The following C5orf58 variants were observed in gnomAD, a reference collection of about 807,000 sequenced individuals.
The protein encoded by C5orf58 is putative uncharacterized protein C5orf58.
Under a neutral mutation model 2.9 loss-of-function variants are expected in C5orf58, and 2 were observed. That is an observed-to-expected ratio of 0.69 (90% CI 0.28 to 2.18). The LOEUF is 2.18. Ranked by LOEUF, C5orf58 falls within the 30% of genes most tolerant of loss-of-function variation. The pLI is 0.13. For synonymous variants in C5orf58, 37 were observed against 33.4 expected (o/e 1.11, Z -0.37); for missense variants, 96 against 91.7 (o/e 1.05, Z -0.19).
downstream of C5orf58, chr5:170,248,924 G>A (rs1761361865): frequency 4.1e-5 from 47 of 1,144,856 alleles, 1 homozygote; most frequent in South Asian, 5.8e-4. Context: ...TTCAAGTGAT[G>A]AGGATTGTGG....
chr5:170,247,498 G>A (rs1435918087), downstream of C5orf58: 1 of 152,156 alleles, frequency 6.6e-6, no homozygotes, highest in African/African-American at 2.4e-5. Context: ...AAAAATTGTT[G>A]CTAATAAAAG....
chr5:170,244,584 T>G (rs1761168588), intron 3 of C5orf58, among the ~76,000 whole-genome samples: 1 of 152,230 alleles, frequency 6.6e-6, no homozygotes, highest in South Asian at 2.1e-4. Context: ...CTCCTGAGAC[T>G]TCTGCATTCT....
In C5orf58 at chr5:170,235,026, T is replaced by G; in HGVS notation, c.50T>G (p.Ile17Ser). 1 of 1,547,516 alleles carries G rather than the reference T, an allele frequency of 6.5e-7. No homozygotes were observed. The highest frequency in any genetic ancestry group is 8.9e-7 in the Non-Finnish European group (1 of 1,129,602). The stretch of plus-strand genomic sequence containing the variant: ...CATAAGCTAAATGTGGACAAAGTAA[T>G]TAAAAATATTAACACAATTTCTTCG... ...TDHKLNVDKV[I>S]KNINTISSEL... The change falls in exon 3 of 4, where the codon ATT becomes AGT. Residue 17 changes from isoleucine (I) to serine (S), a missense_variant. Ile to Ser is a moderately radical substitution (Grantham distance 142). Transcript: ENST00000593851.
chr5:170,250,950 G>T, downstream of C5orf58: 1 of 1,339,884 alleles, frequency 7.5e-7, no homozygotes, highest in Non-Finnish European at 1.1e-6. Flanking sequence ...GCTTGTAAGA[G>T]TAGTAGACAA....
chr5:170,248,931 G>GC, downstream of C5orf58: 1 of 1,069,734 alleles, frequency 9.3e-7, no homozygotes. Context: ...GATGAGGATT[G>GC]TGGGGGGAAA....
At chr5:170,251,464 C>G in intron 2 of C5orf58, 1 of 260,136 alleles carries the variant, frequency 3.8e-6, no homozygotes, top group Non-Finnish European at 8.1e-6. Flanking sequence ...TTGTCCTGTA[C>G]TTTAAATTTC....
chr5:170,243,869 A>C (rs1761132677), intron 3 of C5orf58, among the ~76,000 whole-genome samples: 1 of 144,484 alleles, frequency 6.9e-6, no homozygotes, highest in Non-Finnish European at 1.5e-5. Context: ...GTTTCTTCCT[A>C]GTCTCGATGG....
At chr5:170,250,033 GA>G (rs1761398731), downstream of C5orf58, among the ~76,000 whole-genome samples, 2 of 152,216 alleles carry the variant, frequency 1.3e-5, no homozygotes, top group Admixed American at 1.3e-4. Context: ...TATCATAACA[GA>G]AGTATGTGAA....
intron 3 of C5orf58, among the ~76,000 whole-genome samples, chr5:170,242,255 T>C (rs1303153956): frequency 7.2e-6 from 1 of 139,090 alleles, no homozygotes; most frequent in African/African-American, 2.7e-5. Flanking sequence ...TGGTTGTGTC[T>C]CTGCCAGGCT....
Position 170,235,162 on chromosome 5 carries a change from T to C in C5orf58, c.94+92T>C, listed in dbSNP as rs1760691738. On this transcript the variant is annotated intron_variant, in intron 3 of 3. Coordinates refer to ENST00000593851, the MANE Select transcript of C5orf58 (RefSeq NM_001102609.3). ...GTTTCTGCTGGGGTATAAGTAAATTTTGCCCACTAATTAGGATTTCTCTAT... is the reference window on the plus strand; with the variant it reads ...GTTTCTGCTGGGGTATAAGTAAATTCTGCCCACTAATTAGGATTTCTCTAT... The C allele has an allele frequency of 4.2e-5, 28 of 672,424 alleles. 1 individual carries two copies. In the South Asian group the frequency reaches 5.0e-4, roughly 12 times the overall value. 41.7% of individuals were successfully genotyped at this position (672,424 alleles called of 1,614,324 possible).
At chr5:170,252,371 G>A (rs1761463695), downstream of C5orf58, 1 of 937,374 alleles carries the variant, frequency 1.1e-6, no homozygotes. Context: ...ACTCAGGACA[G>A]GTCAGTTCCC....
downstream of C5orf58, chr5:170,248,661 G>A (rs375984316): frequency 1.6e-5 from 25 of 1,606,070 alleles, no homozygotes; most frequent in African/African-American, 3.3e-4. Context: ...TGGCAACAGA[G>A]GCAGGAGGAC....
downstream of C5orf58, chr5:170,252,441 A>T: frequency 6.4e-7 from 1 of 1,556,728 alleles, no homozygotes; most frequent in South Asian, 1.1e-5. Flanking sequence ...TACCTGGTTT[A>T]TCTTTCTAAG....
chr5:170,246,614 A>C (rs1214760009), downstream of C5orf58: 1 of 153,414 alleles, frequency 6.5e-6, no homozygotes, highest in Non-Finnish European at 1.5e-5. Flanking sequence ...AAATGGGAGT[A>C]GTTGCAGGGC....
At chr5:170,241,700 A>G (rs974860192) in intron 3 of C5orf58, among the ~76,000 whole-genome samples, 9 of 145,976 alleles carry the variant, frequency 6.2e-5, no homozygotes, top group Admixed American at 5.4e-4. Flanking sequence ...GGTTTTCTAG[A>G]TATACAATCA....
downstream of C5orf58, among the ~76,000 whole-genome samples, chr5:170,249,283 C>A (rs1354439220): frequency 6.6e-6 from 1 of 151,476 alleles, no homozygotes; most frequent in Non-Finnish European, 1.5e-5. Context: ...CGAGATTGCG[C>A]CATTGCCGCA....
At chr5:170,244,936 G>A (rs1433241766) in intron 3 of C5orf58, among the ~76,000 whole-genome samples, 2 of 152,064 alleles carry the variant, frequency 1.3e-5, no homozygotes, top group East Asian at 1.9e-4. Context: ...CTTTGATGAT[G>A]GTGATGTACA....
rs534066128 is a variant in C5orf58 at position 170,244,013 on chromosome 5, T to G, written c.95-1949T>G. On this transcript the variant is annotated intron_variant, in intron 3 of 3. Transcript: ENST00000593851. ...TCTCAGCATTTGCTTGTCTGTAAAG[T>G]ATTTTATTTCTCCTTCACTTATGAA... Among the ~76,000 whole-genome samples, 28 of 150,918 alleles carry G rather than the reference T, an allele frequency of 1.9e-4. No individual in the cohort carries two copies. In the South Asian group the frequency reaches 5.8e-3, roughly 31 times the overall value.
intron 3 of C5orf58, among the ~76,000 whole-genome samples, chr5:170,244,673 C>T (rs1761174633): frequency 6.6e-6 from 1 of 151,770 alleles, no homozygotes; most frequent in African/African-American, 2.4e-5. Flanking sequence ...TCTAGTTATA[C>T]ATTCTTCTAA....
Sources: allele counts gnomAD v4.1 joint callset (sites outside exome capture counted in the v4.1 genomes callset), GRCh38; gene constraint gnomAD v4.1.1; transcripts MANE v1.5; gene names NCBI Gene and HGNC (gene_info 2026-07-23, HGNC 2026-07-21).